The following EYS variants were observed in gnomAD, a reference collection of about 807,000 sequenced individuals.
The protein encoded by EYS is protein eyes shut homolog.
A neutral mutation model predicts 282.1 loss-of-function variants in EYS; 250 were observed. The ratio of observed to expected loss-of-function variants is 0.89; its 90% CI spans 0.80 to 0.98. The LOEUF (loss-of-function observed/expected upper bound fraction) is 0.98. EYS is among the 50% of genes least tolerant of loss of function. The pLI is 0.00. For missense variants in EYS, 4,016 were observed against 3,709.0 expected, an observed-to-expected ratio of 1.08 and a Z score of -2.15; for synonymous variants, 1,355 against 1,282.9, an observed-to-expected ratio of 1.06 and a Z score of -1.20.
rs146456022 is a variant in EYS at position 64,525,409 on chromosome 6, A to C, written c.5644+64814T>G. Among the ~76,000 whole-genome samples the C allele has an allele frequency of 1.4e-4, 22 of 151,968 alleles. No homozygotes were observed. In the East Asian group the frequency reaches 4.1e-3, roughly 28 times the overall value. ...GTGCTGGAGGCCATTATCCTTAGCAAACTAACGCAGGGACAGAAAACCAAA... is the reference window on the plus strand; with the variant it reads ...GTGCTGGAGGCCATTATCCTTAGCACACTAACGCAGGGACAGAAAACCAAA... On this transcript the variant is annotated intron_variant, in intron 26 of 42. Coordinates refer to ENST00000503581, the MANE Select transcript of EYS (RefSeq NM_001142800.2).
At chr6:64,232,733 T>A (rs113843031) in intron 30 of EYS, among the ~76,000 whole-genome samples, 2 of 152,224 alleles carry the variant, frequency 1.3e-5, no homozygotes, top group African/African-American at 4.8e-5. Context: ...GTGAAATAAT[T>A]TTGTCACCCC....
chr6:63,878,320 C>T (rs1170199391), intron 35 of EYS, among the ~76,000 whole-genome samples: 5 of 152,160 alleles, frequency 3.3e-5, no homozygotes, highest in African/African-American at 7.2e-5. Context: ...ATGTTGCTGC[C>T]TGATCCTTGG....
chr6:65,230,383 T>C (rs1317378735), intron 12 of EYS, among the ~76,000 whole-genome samples: 1 of 151,816 alleles, frequency 6.6e-6, no homozygotes, highest in Non-Finnish European at 1.5e-5. Context: ...ATCTATGAGG[T>C]CAATGTGTTA....
intron 2 of EYS, among the ~76,000 whole-genome samples, chr6:65,507,564 C>G (rs770033972): frequency 7.2e-5 from 11 of 152,042 alleles, no homozygotes; most frequent in Non-Finnish European, 8.8e-5. Flanking sequence ...TACAATAACA[C>G]ATAATACACT....
chr6:65,141,070 T>A (rs1313463771), intron 12 of EYS, among the ~76,000 whole-genome samples: 1 of 151,796 alleles, frequency 6.6e-6, no homozygotes, highest in East Asian at 1.9e-4. Context: ...CTATTCACGA[T>A]AGCAAAGACT....
chr6:64,763,910 C>A (rs150144051), intron 22 of EYS, among the ~76,000 whole-genome samples: 1 of 152,262 alleles, frequency 6.6e-6, no homozygotes, highest in Non-Finnish European at 1.5e-5. Flanking sequence ...AAAATAATGC[C>A]CTCTGACTCT....
At chr6:65,476,535 A>C (rs1194592521) in intron 5 of EYS, among the ~76,000 whole-genome samples, 1 of 151,922 alleles carries the variant, frequency 6.6e-6, no homozygotes, top group Non-Finnish European at 1.5e-5. Context: ...CCAAATCTTT[A>C]TCTTGAATCA....
At chr6:64,318,838 C>T (rs1044325587) in intron 29 of EYS, among the ~76,000 whole-genome samples, 5 of 151,652 alleles carry the variant, frequency 3.3e-5, no homozygotes, top group Admixed American at 6.6e-5. Context: ...TACAGACTTA[C>T]AATGTGTAAT....
intron 14 of EYS, among the ~76,000 whole-genome samples, chr6:64,961,666 G>C (rs1769924404): frequency 6.6e-6 from 1 of 152,020 alleles, no homozygotes; most frequent in African/African-American, 2.4e-5. Flanking sequence ...GAATTTATAA[G>C]GCATTTTCAT....
intron 26 of EYS, among the ~76,000 whole-genome samples, chr6:64,508,551 TTTATTATTATTATTATTA>T (rs34222008): frequency 7.0e-6 from 1 of 142,506 alleles, no homozygotes; most frequent in African/African-American, 2.6e-5. Flanking sequence ...TTTCTAAGTA[TTTATTATTATTATTATTA>T]TTATTATTAT....
chr6:65,608,010 A>T (rs568738318), intron 2 of EYS, among the ~76,000 whole-genome samples: 2 of 152,118 alleles, frequency 1.3e-5, no homozygotes, highest in East Asian at 1.9e-4. Flanking sequence ...TTCCACTCTT[A>T]AAAATTCTTG....
intron 12 of EYS, among the ~76,000 whole-genome samples, chr6:65,180,725 C>T (rs899789559): frequency 2.6e-5 from 4 of 151,984 alleles, no homozygotes; most frequent in Non-Finnish European, 2.9e-5. Flanking sequence ...TCATATGGAA[C>T]CAAAAAAGAG....
chr6:65,690,089 C>T (rs539898993), intron 1 of EYS, among the ~76,000 whole-genome samples: 4 of 150,074 alleles, frequency 2.7e-5, no homozygotes, highest in South Asian at 2.1e-4. Context: ...AACATAACAT[C>T]TGTATGCAGA....
At chr6:64,545,607 T>C (rs1764832058) in intron 26 of EYS, among the ~76,000 whole-genome samples, 1 of 152,196 alleles carries the variant, frequency 6.6e-6, no homozygotes, top group African/African-American at 2.4e-5. Flanking sequence ...GACATGACTG[T>C]ATATCTAGAA....
chr6:65,410,975 T>C (rs1050903471), intron 5 of EYS, among the ~76,000 whole-genome samples: 1 of 152,048 alleles, frequency 6.6e-6, no homozygotes, highest in African/African-American at 2.4e-5. Context: ...TAAAAGAAAC[T>C]AATTTTTCTA....
At chr6:64,031,574 C>T (rs1482738982) in intron 33 of EYS, among the ~76,000 whole-genome samples, 1 of 152,232 alleles carries the variant, frequency 6.6e-6, no homozygotes, top group African/African-American at 2.4e-5. Context: ...CTGGGTGAAG[C>T]CAGCGGGGCT....
chr6:64,083,854 C>T (rs1162586837), intron 31 of EYS, among the ~76,000 whole-genome samples: 2 of 152,190 alleles, frequency 1.3e-5, no homozygotes. Context: ...TCTCCTGCCT[C>T]AGCCTCCTGA....
intron 29 of EYS, among the ~76,000 whole-genome samples, chr6:64,347,060 T>G (rs189890799): frequency 6.8e-4 from 103 of 151,452 alleles, no homozygotes; most frequent in African/African-American, 2.3e-3. Flanking sequence ...TGGAGAAATA[T>G]CTAATCATTC....
chr6:64,912,229 GAA>G (rs67221279), intron 16 of EYS, among the ~76,000 whole-genome samples: 2 of 151,238 alleles, frequency 1.3e-5, no homozygotes, highest in African/African-American at 4.8e-5. Context: ...ACTTCTGAAA[GAA>G]AAAAAAAGGG....
Sources: gnomAD v4.1 joint callset for allele counts (sites outside exome capture counted in the v4.1 genomes callset) on GRCh38, gnomAD v4.1.1 for gene constraint, MANE v1.5 for transcripts, NCBI Gene and HGNC (gene_info 2026-07-23, HGNC 2026-07-21) for gene names.